ALK: variants seen among roughly 807,000 people sequenced by gnomAD.
ALK encodes the protein ALK tyrosine kinase receptor.
In ALK, 74 loss-of-function variants were observed where a neutral mutation model predicts 163.1. The ratio of observed to expected loss-of-function variants is 0.45; its 90% CI spans 0.38 to 0.55. ALK has a LOEUF of 0.55. Among genes scored for constraint, ALK ranks in the 20% least tolerant of loss-of-function variants. The pLI is 0.00. For synonymous variants in ALK, 960 were observed against 843.2 expected (o/e 1.14, Z -2.40); for missense variants, 2,063 against 2,105.3 (o/e 0.98, Z 0.39).
At chr2:29,889,762 A>G (rs1440624317) in intron 1 of ALK, among the ~76,000 whole-genome samples, 2 of 130,244 alleles carry the variant, frequency 1.5e-5, no homozygotes, top group Non-Finnish European at 3.2e-5. Context: ...AGAGAGAGAA[A>G]CCAGGAGGGC....
chr2:29,556,119 C>T (rs1398477974), intron 3 of ALK, among the ~76,000 whole-genome samples: 1 of 152,134 alleles, frequency 6.6e-6, no homozygotes, highest in Non-Finnish European at 1.5e-5. Flanking sequence ...TGTGATAGCC[C>T]AACTAGTATC....
At chr2:29,489,563 G>A (rs1256745713) in intron 4 of ALK, among the ~76,000 whole-genome samples, 1 of 152,202 alleles carries the variant, frequency 6.6e-6, no homozygotes, top group Non-Finnish European at 1.5e-5. Flanking sequence ...GCCTCCCAAA[G>A]TATTGGGATT....
chr2:29,535,487 T>C (rs1284906686), intron 3 of ALK, among the ~76,000 whole-genome samples: 1 of 152,200 alleles, frequency 6.6e-6, no homozygotes, highest in Non-Finnish European at 1.5e-5. Flanking sequence ...ACTTTAAATA[T>C]TAATTTGCTC....
At chr2:29,831,105 G>A (rs113064579) in intron 1 of ALK, among the ~76,000 whole-genome samples, 373 of 28,690 alleles carry the variant, frequency 0.013, 54 homozygotes, top group African/African-American at 0.05. Context: ...GGAGGAGGAG[G>A]AGGAGAAGAA....
intron 1 of ALK, among the ~76,000 whole-genome samples, chr2:29,866,485 G>C (rs1666436442): frequency 6.6e-6 from 1 of 152,170 alleles, no homozygotes; most frequent in Admixed American, 6.5e-5. Flanking sequence ...ACTAAGAGCT[G>C]GCGGGTTTAG....
chr2:29,685,655 G>A (rs1279143198), intron 3 of ALK, among the ~76,000 whole-genome samples: 2 of 127,366 alleles, frequency 1.6e-5, no homozygotes, highest in Non-Finnish European at 3.6e-5. Context: ...CTGGCCCCAA[G>A]AGCATGTCAA....
intron 5 of ALK, among the ~76,000 whole-genome samples, chr2:29,374,166 G>A (rs1668699438): frequency 6.6e-6 from 1 of 152,160 alleles, no homozygotes; most frequent in South Asian, 2.1e-4. Flanking sequence ...CTTAGTCAAG[G>A]GATGCCAGAG....
At chr2:29,258,852 T>A (rs2148203702) in intron 11 of ALK, among the ~76,000 whole-genome samples, 1 of 152,348 alleles carries the variant, frequency 6.6e-6, no homozygotes, top group Admixed American at 6.5e-5. Context: ...AAAGGTATTT[T>A]AAGTACATAT....
At chr2:29,612,735 G>A (rs1026900056) in intron 3 of ALK, among the ~76,000 whole-genome samples, 1 of 152,114 alleles carries the variant, frequency 6.6e-6, no homozygotes, top group African/African-American at 2.4e-5. Context: ...GAGTGGGGAT[G>A]GGAAAATGGG....
intron 1 of ALK, among the ~76,000 whole-genome samples, chr2:29,873,843 C>G (rs994980989): frequency 1.3e-5 from 2 of 151,816 alleles, no homozygotes. Flanking sequence ...GCAATAACCG[C>G]CTGATAATCA....
chr2:29,559,355 A>G (rs1426130938), intron 3 of ALK, among the ~76,000 whole-genome samples: 1 of 152,226 alleles, frequency 6.6e-6, no homozygotes, highest in Non-Finnish European at 1.5e-5. Flanking sequence ...AGTAGGACTG[A>G]TTAAATAGGT....
chr2:29,717,189 A>G (rs112868595), intron 2 of ALK, among the ~76,000 whole-genome samples: 19 of 142,846 alleles, frequency 1.3e-4, no homozygotes, highest in African/African-American at 3.9e-4. Flanking sequence ...AAAAAAAAAA[A>G]AGAGAGAGAG....
rs571674288 is a variant in ALK at position 29,709,105 on chromosome 2, G to T, written c.787+8473C>A. On this transcript the variant is annotated intron_variant, in intron 2 of 28. Coordinates refer to ENST00000389048, the MANE Select transcript of ALK (RefSeq NM_004304.5). ...GAAGTGCTCTGTATACAGTATCTCAGATGTCCCAAAGCTGTCAAAAGAGAA... is the reference window on the plus strand; with the variant it reads ...GAAGTGCTCTGTATACAGTATCTCATATGTCCCAAAGCTGTCAAAAGAGAA... Among the ~76,000 whole-genome samples, 6 of 152,262 alleles carry T rather than the reference G, an allele frequency of 3.9e-5. No individual in the cohort carries two copies. The South Asian group carries it at 1.2e-3, about 32-fold the overall frequency.
chr2:29,827,848 C>T (rs751374417), intron 1 of ALK, among the ~76,000 whole-genome samples: 12 of 152,242 alleles, frequency 7.9e-5, no homozygotes, highest in African/African-American at 2.2e-4. Flanking sequence ...AAAAAGAGCC[C>T]GCATTTCCAA....
intron 1 of ALK, among the ~76,000 whole-genome samples, chr2:29,745,191 T>G (rs1246589878): frequency 6.6e-6 from 1 of 152,166 alleles, no homozygotes; most frequent in Non-Finnish European, 1.5e-5. Context: ...ACAACAGCAG[T>G]CACACTCACA....
At chr2:29,750,693 A>AGGCAGGC (rs1558471751) in intron 1 of ALK, among the ~76,000 whole-genome samples, 7 of 99,008 alleles carry the variant, frequency 7.1e-5, no homozygotes, top group African/African-American at 2.1e-4. Flanking sequence ...GGAAGGAAGG[A>AGGCAGGC]AGGAAGGCAG....
chr2:29,429,583 G>T (rs1670225510), intron 4 of ALK, among the ~76,000 whole-genome samples: 1 of 151,916 alleles, frequency 6.6e-6, no homozygotes, highest in Non-Finnish European at 1.5e-5. Flanking sequence ...AATCAAATAA[G>T]ATTTAAATAA....
At chr2:29,604,777 G>A (rs1187796479) in intron 3 of ALK, among the ~76,000 whole-genome samples, 1 of 152,118 alleles carries the variant, frequency 6.6e-6, no homozygotes, top group Non-Finnish European at 1.5e-5. Flanking sequence ...TCACATCTCT[G>A]ACACAGGAAC....
rs187470058 is a variant in ALK at position 29,491,910 on chromosome 2, T to A, written c.1154+40005A>T. Among the ~76,000 whole-genome samples, 18 of 152,344 alleles carry A rather than the reference T, an allele frequency of 1.2e-4. 1 individual carries two copies. Among genetic ancestry groups the A allele is most frequent in the African/African-American group, 4.3e-4 (18 of 41,566 alleles). On this transcript the variant is annotated intron_variant, in intron 4 of 28. Transcript: ENST00000389048. ...AGGCACTTTTCACAGATGTCTAATG[T>A]TCTTAACTAACCACACTTAATTTAA...
Sources: allele counts gnomAD v4.1 joint callset (sites outside exome capture counted in the v4.1 genomes callset), GRCh38; gene constraint gnomAD v4.1.1; transcripts MANE v1.5; gene names NCBI Gene and HGNC (gene_info 2026-07-23, HGNC 2026-07-21).